Variants in GRM8 observed in about 807,000 individuals in gnomAD.
GRM8 encodes the protein metabotropic glutamate receptor 8.
Under a neutral mutation model 87.2 loss-of-function variants are expected in GRM8, and 47 were observed. That is an observed-to-expected ratio of 0.54 (90% confidence interval 0.43 to 0.69). The LOEUF (loss-of-function observed/expected upper bound fraction) is 0.69, where lower values mean the gene tolerates loss of function less well. GRM8 is among the 30% of genes least tolerant of loss of function. The pLI is 0.00. For missense variants in GRM8, 1,019 were observed against 1,139.2 expected, an observed-to-expected ratio of 0.89 and a Z score of 1.52; for synonymous variants, 396 against 404.5, an observed-to-expected ratio of 0.98 and a Z score of 0.25.
At chr7:126,504,350 C>A (rs548955157) in intron 9 of GRM8, among the ~76,000 whole-genome samples, 18 of 152,100 alleles carry the variant, frequency 1.2e-4, no homozygotes, top group African/African-American at 4.1e-4. Context: ...TTCAGTGTTT[C>A]ATCTGTTATT....
chr7:126,468,686 G>A (rs1804796796), intron 9 of GRM8, among the ~76,000 whole-genome samples: 1 of 152,040 alleles, frequency 6.6e-6, no homozygotes, highest in Non-Finnish European at 1.5e-5. Flanking sequence ...AAAAAAGAAA[G>A]TTCCAACCTG....
At chr7:126,677,731 C>T (rs1054638520) in intron 7 of GRM8, among the ~76,000 whole-genome samples, 1 of 152,186 alleles carries the variant, frequency 6.6e-6, no homozygotes, top group Admixed American at 6.6e-5. Flanking sequence ...GATAAAAAAA[C>T]TACCTATTAG....
chr7:127,217,385 G>A (rs1796624043), intron 2 of GRM8, among the ~76,000 whole-genome samples: 1 of 152,186 alleles, frequency 6.6e-6, no homozygotes, highest in African/African-American at 2.4e-5. Flanking sequence ...GGCAGGCATG[G>A]TGGAAAAAAG....
In GRM8 at chr7:126,669,361, G is replaced by GA. The variant is rs369269176; in HGVS notation, c.1358-59864dup. Among the ~76,000 whole-genome samples, 1,194 of 146,512 alleles carry GA rather than the reference G, an allele frequency of 8.1e-3. 12 individuals are homozygous for GA. Among genetic ancestry groups the GA allele is most frequent in the African/African-American group, 0.028 (1,114 of 40,004 alleles). On this transcript the variant is annotated intron_variant, in intron 7 of 10. Transcript: ENST00000339582. ...AAAATTTTTAAAAAAAAGTCAACAA[G>GA]AAAAAAAAAAGCTGTAATTAATTTG...
intron 6 of GRM8, among the ~76,000 whole-genome samples, chr7:126,878,808 T>C (rs1363181412): frequency 6.6e-6 from 1 of 150,590 alleles, no homozygotes; most frequent in Non-Finnish European, 1.5e-5. Flanking sequence ...ATTACAGGCA[T>C]GAGCCACTGC....
At chr7:126,733,784 A>G (rs1813883518) in intron 7 of GRM8, among the ~76,000 whole-genome samples, 2 of 152,068 alleles carry the variant, frequency 1.3e-5, no homozygotes, top group Non-Finnish European at 2.9e-5. Flanking sequence ...CAGTGACATC[A>G]GAGATCAGCA....
At chr7:126,878,520 T>G (rs908739238) in intron 6 of GRM8, among the ~76,000 whole-genome samples, 9 of 72,548 alleles carry the variant, frequency 1.2e-4, no homozygotes, top group African/African-American at 1.0e-3. Context: ...CGTCTTCTTC[T>G]TTTTTTTTTT....
chr7:126,605,766 C>T (rs1798281958), intron 8 of GRM8, among the ~76,000 whole-genome samples: 1 of 152,204 alleles, frequency 6.6e-6, no homozygotes, highest in Non-Finnish European at 1.5e-5. Context: ...AGAGTAAATC[C>T]TCCTGTCAGT....
intron 7 of GRM8, among the ~76,000 whole-genome samples, chr7:126,769,409 C>A (rs987343301): frequency 6.6e-6 from 1 of 152,038 alleles, no homozygotes; most frequent in Non-Finnish European, 1.5e-5. Flanking sequence ...AACACAGAAA[C>A]TTAACACTCG....
At chr7:126,998,254 A>T (rs966351457) in intron 3 of GRM8, among the ~76,000 whole-genome samples, 4 of 151,916 alleles carry the variant, frequency 2.6e-5, no homozygotes, top group African/African-American at 9.7e-5. Flanking sequence ...ATATAGAAAG[A>T]ACATACCTCA....
intron 2 of GRM8, among the ~76,000 whole-genome samples, chr7:127,213,237 T>C (rs1796326531): frequency 6.6e-6 from 1 of 152,210 alleles, no homozygotes; most frequent in African/African-American, 2.4e-5. Flanking sequence ...AGATGTCACC[T>C]TAGATAGTGC....
chr7:126,796,178 T>C (rs1821929600), intron 6 of GRM8, among the ~76,000 whole-genome samples: 1 of 152,092 alleles, frequency 6.6e-6, no homozygotes, highest in Non-Finnish European at 1.5e-5. Flanking sequence ...AATTAATTAA[T>C]ATGAGAAAAG....
intron 6 of GRM8, among the ~76,000 whole-genome samples, chr7:126,841,958 G>T (rs1258096937): frequency 6.6e-6 from 1 of 152,072 alleles, no homozygotes; most frequent in Non-Finnish European, 1.5e-5. Flanking sequence ...AACAAATGTT[G>T]TTGAGAGGAA....
At chr7:126,886,371 AT>A (rs1253590888) in intron 6 of GRM8, among the ~76,000 whole-genome samples, 2 of 152,208 alleles carry the variant, frequency 1.3e-5, no homozygotes, top group East Asian at 3.9e-4. Context: ...CACATTTTCA[AT>A]TTTTTCTCCT....
chr7:126,463,832 C>G (rs1804178896), intron 9 of GRM8, among the ~76,000 whole-genome samples: 1 of 151,572 alleles, frequency 6.6e-6, no homozygotes, highest in African/African-American at 2.4e-5. Context: ...TGCCTGTAAC[C>G]AACTTCTTTG....
chr7:126,976,050 G>A (rs141457250), intron 3 of GRM8, among the ~76,000 whole-genome samples: 1 of 152,176 alleles, frequency 6.6e-6, no homozygotes, highest in African/African-American at 2.4e-5. Context: ...GTTACAAATT[G>A]TAGTGATAAT....
intron 6 of GRM8, among the ~76,000 whole-genome samples, chr7:126,883,935 A>T (rs1451302348): frequency 1.3e-5 from 2 of 152,178 alleles, no homozygotes; most frequent in Non-Finnish European, 2.9e-5. Flanking sequence ...AGATGTATAA[A>T]ATATGTGTAT....
At chr7:127,125,493 C>T (rs904421826) in intron 2 of GRM8, among the ~76,000 whole-genome samples, 3 of 151,898 alleles carry the variant, frequency 2.0e-5, no homozygotes, top group African/African-American at 7.2e-5. Flanking sequence ...TACAGCAGTA[C>T]ACGCAAGGAT....
rs971472985 is a variant in GRM8 at position 126,642,366 on chromosome 7, C to T, written c.1358-32868G>A. Among the ~76,000 whole-genome samples, 8 of 152,202 alleles carry T rather than the reference C, an allele frequency of 5.3e-5. No homozygotes were observed. The East Asian group carries it at 5.8e-4, about 11-fold the overall frequency. On this transcript the variant is annotated intron_variant, in intron 7 of 10. Coordinates refer to ENST00000339582, the MANE Select transcript of GRM8 (RefSeq NM_000845.3). ...AAAAGATGATACTGTAGGCCAGGGG[C>T]GGTGGTTCACGCCTGTAATCCCAGC...
Sources: gnomAD v4.1 joint callset for allele counts (sites outside exome capture counted in the v4.1 genomes callset) on GRCh38, gnomAD v4.1.1 for gene constraint, MANE v1.5 for transcripts, NCBI Gene and HGNC (gene_info 2026-07-23, HGNC 2026-07-21) for gene names.